Variants in NRXN1 observed in about 807,000 individuals in gnomAD.
The protein encoded by NRXN1 is neurexin 1.
A neutral mutation model predicts 150.9 loss-of-function variants in NRXN1; 39 were observed. The ratio of observed to expected loss-of-function variants is 0.26; its 90% CI spans 0.20 to 0.34. The LOEUF (loss-of-function observed/expected upper bound fraction) is 0.34. NRXN1 is among the 10% of genes least tolerant of loss of function. The pLI is 1.00. For missense variants in NRXN1, 1,815 were observed against 1,949.9 expected, an observed-to-expected ratio of 0.93 and a Z score of 1.30; for synonymous variants, 924 against 757.0, an observed-to-expected ratio of 1.22 and a Z score of -3.62.
At chr2:49,965,540 T>C (rs1416640774) in intron 21 of NRXN1, among the ~76,000 whole-genome samples, 1 of 152,196 alleles carries the variant, frequency 6.6e-6, no homozygotes, top group Non-Finnish European at 1.5e-5. Flanking sequence ...AGTGCTGGGA[T>C]TACAGGTGTG....
intron 17 of NRXN1, among the ~76,000 whole-genome samples, chr2:50,281,316 C>CACAAAAAAAA (rs1187135501): frequency 8.0e-6 from 1 of 124,628 alleles, no homozygotes; most frequent in African/African-American, 2.9e-5. Flanking sequence ...GACTCCGTCT[C>CACAAAAAAAA]AAAAACAATA....
intron 5 of NRXN1, among the ~76,000 whole-genome samples, chr2:50,901,547 G>A (rs1481163978): frequency 6.6e-6 from 1 of 151,998 alleles, no homozygotes. Context: ...CGCAAAAAAA[G>A]AAAGAAAATA....
At position 50,447,502 on chromosome 2, in the gene NRXN1, A is replaced by C. The variant is rs867978362; in HGVS notation, c.3364+17940T>G. Among the ~76,000 whole-genome samples, 709 of 146,112 alleles carry C rather than the reference A, an allele frequency of 4.9e-3. 12 individuals carry two copies. Among genetic ancestry groups the C allele is most frequent in the African/African-American group, 0.017 (678 of 39,304 alleles). On this transcript the variant is annotated intron_variant, in intron 17 of 22. Transcript: ENST00000401669. ...CTCAAAAAAAAAAAAAAAAAAAAAA[A>C]AAAGGAATTCTGTCCCAGAAAAGGT...
chr2:50,977,931 A>G (rs1696120823), intron 2 of NRXN1, among the ~76,000 whole-genome samples: 1 of 151,720 alleles, frequency 6.6e-6, no homozygotes, highest in South Asian at 2.1e-4. Context: ...AACAACAAAT[A>G]AAACATCTAA....
chr2:50,804,486 G>A (rs1667253498), intron 5 of NRXN1, among the ~76,000 whole-genome samples: 1 of 152,152 alleles, frequency 6.6e-6, no homozygotes, highest in South Asian at 2.1e-4. Flanking sequence ...ATTTGAAGTT[G>A]AGTCTCTCAG....
intron 2 of NRXN1, among the ~76,000 whole-genome samples, chr2:50,959,920 T>C (rs895714259): frequency 4.6e-5 from 7 of 152,034 alleles, no homozygotes; most frequent in African/African-American, 1.2e-4. Flanking sequence ...TTGTCCAAAA[T>C]TGCAAAGTTA....
At chr2:50,401,470 G>C (rs928333363) in intron 17 of NRXN1, among the ~76,000 whole-genome samples, 3 of 152,054 alleles carry the variant, frequency 2.0e-5, no homozygotes, top group Non-Finnish European at 4.4e-5. Context: ...AGAGCGGGGA[G>C]GGAGAGGGCT....
At chr2:50,455,999 C>G (rs1380924029) in intron 17 of NRXN1, among the ~76,000 whole-genome samples, 1 of 152,158 alleles carries the variant, frequency 6.6e-6, no homozygotes, top group East Asian at 1.9e-4. Flanking sequence ...AAAATATACA[C>G]TGTACCACTG....
At position 50,480,770 on chromosome 2, in the gene NRXN1, T is replaced by C. The variant is rs569829846; in HGVS notation, c.3071-8299A>G. Among the ~76,000 whole-genome samples the C allele has an allele frequency of 6.6e-5, 10 of 152,232 alleles. No individual in the cohort carries two copies. The South Asian group carries it at 2.1e-3, about 32-fold the overall frequency. On this transcript the variant is annotated intron_variant, in intron 15 of 22. Coordinates refer to ENST00000401669, the MANE Select transcript of NRXN1 (RefSeq NM_001330078.2). The stretch of plus-strand genomic sequence containing the variant: ...CAGCAGGCTTACACATCTAACAGTA[T>C]ATTGCTTTAGCTAAAATGACTTTGA...
chr2:50,348,899 A>T (rs554378610), intron 17 of NRXN1, among the ~76,000 whole-genome samples: 1 of 152,032 alleles, frequency 6.6e-6, no homozygotes, highest in African/African-American at 2.4e-5. Context: ...AACAGGAATG[A>T]TTTCTCACTA....
chr2:50,096,161 A>T (rs1276410682), intron 18 of NRXN1, among the ~76,000 whole-genome samples: 2 of 152,104 alleles, frequency 1.3e-5, no homozygotes, highest in Non-Finnish European at 2.9e-5. Flanking sequence ...CCCGACCCTA[A>T]TTCAGACATT....
At chr2:50,981,806 G>T (rs13036234) in intron 2 of NRXN1, among the ~76,000 whole-genome samples, 1 of 148,636 alleles carries the variant, frequency 6.7e-6, no homozygotes, top group African/African-American at 2.5e-5. Flanking sequence ...CCTAATAATT[G>T]TTTGAATAAA....
rs376138802 is a variant in NRXN1, at chr2:50,948,607, T to C, written c.773-22652A>G. On this transcript the variant is annotated intron_variant, in intron 2 of 22. Coordinates refer to ENST00000401669, the MANE Select transcript of NRXN1 (RefSeq NM_001330078.2). ...CTCATTAGCATTAGAATTCTGATGA[T>C]TGAGGGAGCAGCTAATACATACTGC... Among the ~76,000 whole-genome samples, 14 of 152,150 alleles carry C rather than the reference T, an allele frequency of 9.2e-5. No homozygotes were observed. In the East Asian group the frequency reaches 2.1e-3, roughly 23 times the overall value.
intron 8 of NRXN1, among the ~76,000 whole-genome samples, chr2:50,583,182 C>T (rs1182105832): frequency 6.6e-6 from 1 of 152,044 alleles, no homozygotes; most frequent in African/African-American, 2.4e-5. Flanking sequence ...TCCCAAGTAG[C>T]TGGGACTACA....
chr2:50,834,990 T>C (rs935209849), intron 5 of NRXN1, among the ~76,000 whole-genome samples: 1 of 152,178 alleles, frequency 6.6e-6, no homozygotes. Flanking sequence ...ATTAGATTTG[T>C]CTTCTTTCAT....
intron 8 of NRXN1, among the ~76,000 whole-genome samples, chr2:50,612,514 C>T (rs888943957): frequency 6.6e-6 from 1 of 152,066 alleles, no homozygotes; most frequent in Non-Finnish European, 1.5e-5. Context: ...AGGCACATGC[C>T]TCTTGGGTAA....
At chr2:50,537,709 T>C (rs535947727) in intron 10 of NRXN1, among the ~76,000 whole-genome samples, 1 of 152,276 alleles carries the variant, frequency 6.6e-6, no homozygotes, top group African/African-American at 2.4e-5. Context: ...TCCAGAAATG[T>C]TGGTGCACCT....
chr2:50,858,063 A>G (rs1675526491), intron 5 of NRXN1, among the ~76,000 whole-genome samples: 1 of 151,512 alleles, frequency 6.6e-6, no homozygotes, highest in African/African-American at 2.4e-5. Context: ...GTAGCAGGGG[A>G]AAAGGCTCAG....
chr2:50,419,095 C>T lies in NRXN1; in HGVS notation c.3364+46347G>A, dbSNP rs1329344375. Among the ~76,000 whole-genome samples the T allele has an allele frequency of 2.0e-5, 3 of 152,126 alleles. No homozygotes were observed. In the East Asian group the frequency reaches 5.8e-4, roughly 29 times the overall value. ...CCAAAATTGTCATCAAATGAATGAA[C>T]TCAATGACTTCTGAATCACACTTTT... On this transcript the variant is annotated intron_variant, in intron 17 of 22. Coordinates refer to ENST00000401669, the MANE Select transcript of NRXN1 (RefSeq NM_001330078.2).
Sources: allele counts gnomAD v4.1 joint callset (sites outside exome capture counted in the v4.1 genomes callset), GRCh38; gene constraint gnomAD v4.1.1; transcripts MANE v1.5; gene names NCBI Gene and HGNC (gene_info 2026-07-23, HGNC 2026-07-21).